Variants in PANK3 observed in about 807,000 individuals in gnomAD.
PANK3 encodes the protein pantothenate kinase 3.
A neutral mutation model predicts 39.4 loss-of-function variants in PANK3; 20 were observed. The observed-to-expected ratio is 0.51, with a 90% CI of 0.36 to 0.74. The LOEUF is 0.74. Ranked by LOEUF, PANK3 falls within the 30% of genes least tolerant of loss-of-function variation. PANK3 has a pLI of 0.00. For missense variants in PANK3, 265 were observed against 437.0 expected (o/e 0.61, Z 3.51); for synonymous variants, 140 against 157.3 (o/e 0.89, Z 0.82).
chr5:168,551,365 AC>A lies in PANK3; in HGVS notation c.*6205del, dbSNP rs1172342695. On this transcript the variant is annotated 3_prime_UTR_variant, in exon 7 of 7. Transcript: ENST00000239231. ...TATTTCTAATGTTTTGTTCACACCCACCACAAAACAGTTAAGTTAAATTCAA... is the reference window on the plus strand; with the variant it reads ...TATTTCTAATGTTTTGTTCACACCCACACAAAACAGTTAAGTTAAATTCAA... 1.3e-5 allele frequency: 2 copies of A among 152,162 alleles called. No homozygotes were observed. 9.4% of individuals were successfully genotyped at this position (152,162 alleles called of 1,614,324 possible). A position where few individuals can be genotyped will look rare whatever the true frequency, so the allele number is the denominator to read the frequency against.
Position 168,579,285 on chromosome 5 carries a change from G to A in PANK3, c.-2C>T. Reference sequence around the variant, plus strand: ...TTTCTTGGCATCTTTGATCTTCATGGCGTCGGCCCGAGGGGCGATGGACGG... The same window carrying A: ...TTTCTTGGCATCTTTGATCTTCATGACGTCGGCCCGAGGGGCGATGGACGG... On this transcript the variant is annotated 5_prime_UTR_variant, in exon 1 of 7. Transcript: ENST00000239231. The A allele has an allele frequency of 6.7e-7, 1 of 1,493,120 alleles. No individual in the cohort carries two copies. The highest frequency in any genetic ancestry group is 1.3e-5 in the South Asian group (1 of 77,150). 92.5% of individuals were successfully genotyped at this position (1,493,120 alleles called of 1,614,324 possible).
In PANK3 at chr5:168,551,299, C is replaced by T. The variant is rs1028610754; in HGVS notation, c.*6272G>A. ...ATCATGGATACCTCATGGCAGATCACTTTAAGTGAGGTCAGAGAGTATTAT... is the reference window on the plus strand; with the variant it reads ...ATCATGGATACCTCATGGCAGATCATTTTAAGTGAGGTCAGAGAGTATTAT... On this transcript the variant is annotated 3_prime_UTR_variant, in exon 7 of 7. Coordinates refer to ENST00000239231, the MANE Select transcript of PANK3 (RefSeq NM_024594.4). 6.6e-6 allele frequency: 1 copy of T among 152,146 alleles called. No individual in the cohort carries two copies. The highest frequency in any genetic ancestry group is 1.5e-5 in the Non-Finnish European group (1 of 68,016). The allele number at this position is 152,146 out of a possible 1,614,324, so 9.4% of individuals were successfully genotyped here.
chr5:168,576,804 T>A (rs1431231672), intron 1 of PANK3, among the ~76,000 whole-genome samples: 3 of 151,812 alleles, frequency 2.0e-5, no homozygotes, highest in Non-Finnish European at 4.4e-5. Flanking sequence ...AAAAACCCCA[T>A]ACAGGTATTC....
At chr5:168,560,453 C>T (rs971109156) in intron 5 of PANK3, among the ~76,000 whole-genome samples, 1 of 152,136 alleles carries the variant, frequency 6.6e-6, no homozygotes, top group African/African-American at 2.4e-5. Context: ...ATTCCCAATC[C>T]TCTTTATCCT....
At chr5:168,573,800 GAAT>G (rs1001473861) in intron 1 of PANK3, among the ~76,000 whole-genome samples, 2 of 151,512 alleles carry the variant, frequency 1.3e-5, no homozygotes, top group African/African-American at 2.4e-5. Context: ...AGTTTACTGA[GAAT>G]GATGATTTCC....
At chr5:168,578,354 ATTTC>A (rs1274399838) in intron 1 of PANK3, among the ~76,000 whole-genome samples, 6 of 152,212 alleles carry the variant, frequency 3.9e-5, no homozygotes, top group African/African-American at 1.4e-4. Context: ...ATAGTTGTGG[ATTTC>A]TTAACAGTTA....
chr5:168,559,660 C>A (rs1759412647), intron 5 of PANK3, among the ~76,000 whole-genome samples: 1 of 151,964 alleles, frequency 6.6e-6, no homozygotes, highest in African/African-American at 2.4e-5. Flanking sequence ...AAATAGCCCC[C>A]TTACAAAGTC....
chr5:168,559,140 G>C lies in PANK3; in HGVS notation c.954C>G (p.Val318=), dbSNP rs2113106612. The part of the protein sequence containing the change: ...CAVNEKINRV[V]FVGNFLRVNT... The stretch of plus-strand genomic sequence containing the variant: ...TGACACGTAAAAAGTTTCCAACAAA[G>C]ACAACTCTGTTTATTTTCTAAAAGA... The change falls in exon 6 of 7, where the codon GTC becomes GTG. Residue 318 remains valine (V), a synonymous_variant. Transcript: ENST00000239231. The C allele has an allele frequency of 6.5e-7, 1 of 1,548,438 alleles. No homozygotes were observed.
At position 168,548,506 on chromosome 5, in the gene PANK3, TTAGA is replaced by T. The variant is rs1442434022; in HGVS notation, c.*9061_*9064del. On this transcript the variant is annotated 3_prime_UTR_variant, in exon 7 of 7. Coordinates refer to ENST00000239231, the MANE Select transcript of PANK3 (RefSeq NM_024594.4). ...TAAAAAGGCACACATAGTAAACAACTTAGATAATTTATTTAGAAAGTAGAAAATA... is the reference window on the plus strand; with the variant it reads ...TAAAAAGGCACACATAGTAAACAACTTAATTTATTTAGAAAGTAGAAAATA... The T allele has an allele frequency of 3.3e-5, 5 of 152,110 alleles. No individual in the cohort carries two copies. The highest frequency in any genetic ancestry group is 2.1e-4 in the South Asian group (1 of 4,826). The allele number at this position is 152,110 out of a possible 1,614,324, so 9.4% of individuals were successfully genotyped here. A position where few individuals can be genotyped will look rare whatever the true frequency, so the allele number is the denominator to read the frequency against.
chr5:168,578,636 T>A (rs1405530135), intron 1 of PANK3: 1 of 152,244 alleles, frequency 6.6e-6, no homozygotes, highest in Non-Finnish European at 1.5e-5. Flanking sequence ...GTATTCACCA[T>A]AATATTAATA....
At position 168,553,440 on chromosome 5, in the gene PANK3, C is replaced by T. The variant is rs867071250; in HGVS notation, c.*4131G>A. On this transcript the variant is annotated 3_prime_UTR_variant, in exon 7 of 7. Coordinates refer to ENST00000239231, the MANE Select transcript of PANK3 (RefSeq NM_024594.4). ...CCAACAAATTATGATAAGCATTGAACTGCACCTGCCAAAGTGGTTGACAAA... is the reference window on the plus strand; with the variant it reads ...CCAACAAATTATGATAAGCATTGAATTGCACCTGCCAAAGTGGTTGACAAA... 4.8e-6 allele frequency: 2 copies of T among 412,738 alleles called. No homozygotes were observed. Among genetic ancestry groups the T allele is most frequent in the East Asian group, 7.2e-5 (1 of 13,940 alleles). The allele number at this position is 412,738 out of a possible 1,614,324, so 25.6% of individuals were successfully genotyped here.
Position 168,566,153 on chromosome 5 carries a change from A to G in PANK3, c.495T>C (p.Asn165=), listed in dbSNP as rs1253054354. ...NGQAECYYFA[N]ASEPERCQKM... is the part of the protein sequence containing the mutation. ...TTTGGCATCGCTCAGGTTCTGAGGCATTAGCAAAATAATAGCACTCGGCTT... is the reference window on the plus strand; with the variant it reads ...TTTGGCATCGCTCAGGTTCTGAGGCGTTAGCAAAATAATAGCACTCGGCTT... Residue 165 remains asparagine, a synonymous_variant, in exon 3 of 7, where the codon AAT becomes AAC. Coordinates refer to ENST00000239231, the MANE Select transcript of PANK3 (RefSeq NM_024594.4). 1 of 1,613,966 alleles carries G rather than the reference A, an allele frequency of 6.2e-7. No individual in the cohort carries two copies. Among genetic ancestry groups the G allele is most frequent in the African/African-American group, 1.3e-5 (1 of 74,906 alleles).
At chr5:168,576,769 CAATA>C (rs1759736928) in intron 1 of PANK3, among the ~76,000 whole-genome samples, 1 of 128,026 alleles carries the variant, frequency 7.8e-6, no homozygotes, top group Non-Finnish European at 1.6e-5. Context: ...ACTATGTGAT[CAATA>C]AATGTTTTAA....
intron 6 of PANK3, among the ~76,000 whole-genome samples, 171 bp downstream of exon 6, chr5:168,558,861 T>G (rs1291980710): frequency 1.3e-5 from 2 of 152,174 alleles, no homozygotes; most frequent in Non-Finnish European, 2.9e-5. Context: ...GGTGCATACC[T>G]GTGGTCCCAG....
At chr5:168,570,586 C>T (rs1320162542) in intron 1 of PANK3, among the ~76,000 whole-genome samples, 1 of 151,986 alleles carries the variant, frequency 6.6e-6, no homozygotes, top group African/African-American at 2.4e-5. Flanking sequence ...GAATGATAAA[C>T]CCTATGCCTG....
intron 2 of PANK3, among the ~76,000 whole-genome samples, chr5:168,567,957 C>G (rs1477745914): frequency 6.6e-6 from 1 of 152,164 alleles, no homozygotes; most frequent in African/African-American, 2.4e-5. Context: ...AAACAAATTT[C>G]AGTGGTCCTA....
intron 1 of PANK3, among the ~76,000 whole-genome samples, chr5:168,575,796 A>T (rs915122041): frequency 6.6e-6 from 1 of 152,150 alleles, no homozygotes; most frequent in African/African-American, 2.4e-5. Flanking sequence ...AAAAGAAAAA[A>T]AATAAAAAGA....
chr5:168,577,657 A>G (rs1486702398), intron 1 of PANK3, among the ~76,000 whole-genome samples: 1 of 152,170 alleles, frequency 6.6e-6, no homozygotes, highest in Non-Finnish European at 1.5e-5. Context: ...TAAACTTCTC[A>G]TAATAATCTT....
chr5:168,549,743 T>G lies in PANK3; in HGVS notation c.*7828A>C, dbSNP rs566339617. Reference sequence around the variant, plus strand: ...CTGAAATCCCAGTATCAGCTCATAGTACATTCATTCGTTCATTCATTCATT... The same window carrying G: ...CTGAAATCCCAGTATCAGCTCATAGGACATTCATTCGTTCATTCATTCATT... On this transcript the variant is annotated 3_prime_UTR_variant, in exon 7 of 7. Coordinates refer to ENST00000239231, the MANE Select transcript of PANK3 (RefSeq NM_024594.4). 6.6e-6 allele frequency: 1 copy of G among 152,312 alleles called. No homozygotes were observed. Among genetic ancestry groups the G allele is most frequent in the East Asian group, 1.9e-4 (1 of 5,182 alleles). 9.4% of individuals were successfully genotyped at this position (152,312 alleles called of 1,614,324 possible).
Sources: gnomAD v4.1 joint callset for allele counts (sites outside exome capture counted in the v4.1 genomes callset) on GRCh38, gnomAD v4.1.1 for gene constraint, MANE v1.5 for transcripts, NCBI Gene and HGNC (gene_info 2026-07-23, HGNC 2026-07-21) for gene names.